AFG2A: variants seen among roughly 807,000 people sequenced by gnomAD.
AFG2A encodes ATPase family gene 2 protein homolog A.
At chr4:123,161,751 G>A in the AFG2A span, among the ~76,000 whole-genome samples, 1 of 152,158 alleles carries the variant, frequency 6.6e-6, no homozygotes, top group Non-Finnish European at 1.5e-5. Context: ...AGAAGAAACA[G>A]AAACTGTAGG....
At chr4:123,024,475 C>T in the AFG2A span, among the ~76,000 whole-genome samples, 2 of 152,170 alleles carry the variant, frequency 1.3e-5, no homozygotes, top group Non-Finnish European at 2.9e-5. Context: ...GTGGTGTAAG[C>T]GTTTGCTCAA....
chr4:123,053,307 A>G, the AFG2A span, among the ~76,000 whole-genome samples: 1 of 152,234 alleles, frequency 6.6e-6, no homozygotes, highest in Admixed American at 6.5e-5. Flanking sequence ...GACCTGGGGT[A>G]GACCCAAGGC....
the AFG2A span, among the ~76,000 whole-genome samples, chr4:122,960,803 A>G: frequency 6.6e-6 from 1 of 152,140 alleles, no homozygotes; most frequent in South Asian, 2.1e-4. Flanking sequence ...CTCCACCCCC[A>G]ACTAGCTTAC....
At chr4:123,102,130 C>G in the AFG2A span, 1 of 151,714 alleles carries the variant, frequency 6.6e-6, no homozygotes, top group Non-Finnish European at 1.5e-5. Context: ...ATGTTACTTA[C>G]CAAACAAGTT....
At chr4:123,007,577 TGTGTGTGTGTGTGTG>T in the AFG2A span, among the ~76,000 whole-genome samples, 8 of 10,580 alleles carry the variant, frequency 7.6e-4, no homozygotes, top group Middle Eastern at 0.056. Context: ...TATGTGTGTG[TGTGTGTGTGTGTGTG>T]TGTGTGTGTG....
At chr4:123,234,236 T>C in the AFG2A span, among the ~76,000 whole-genome samples, 1 of 152,146 alleles carries the variant, frequency 6.6e-6, no homozygotes, top group African/African-American at 2.4e-5. Flanking sequence ...TATACTTTGG[T>C]TATACAATCT....
chr4:123,219,877 T>C, the AFG2A span, among the ~76,000 whole-genome samples: 5 of 152,120 alleles, frequency 3.3e-5, no homozygotes, highest in Non-Finnish European at 5.9e-5. Context: ...AAAAAAATTT[T>C]TTTTTTTTTG....
chr4:123,290,002 C>T, the AFG2A span, among the ~76,000 whole-genome samples: 6 of 152,040 alleles, frequency 3.9e-5, no homozygotes, highest in Non-Finnish European at 7.4e-5. Context: ...TATCCTGATG[C>T]TCTCTCTCCC....
chr4:123,275,261 C>T, the AFG2A span, among the ~76,000 whole-genome samples: 1 of 152,162 alleles, frequency 6.6e-6, no homozygotes, highest in East Asian at 1.9e-4. Context: ...TGATGAGACC[C>T]CTGTAGGTGG....
the AFG2A span, among the ~76,000 whole-genome samples, chr4:123,178,592 T>C: frequency 3.3e-5 from 5 of 152,192 alleles, no homozygotes; most frequent in Non-Finnish European, 5.9e-5. Flanking sequence ...TCTTTCAGAC[T>C]TGCAGGTTTG....
At chr4:123,077,570 C>T in the AFG2A span, among the ~76,000 whole-genome samples, 2 of 152,178 alleles carry the variant, frequency 1.3e-5, no homozygotes, top group Non-Finnish European at 2.9e-5. Flanking sequence ...TGTATCAGTT[C>T]CTCCTTTACA....
chr4:122,956,024 C>T, the AFG2A span, among the ~76,000 whole-genome samples: 799 of 152,254 alleles, frequency 5.2e-3, 7 homozygotes, highest in African/African-American at 0.018. Context: ...GTAGGACTTG[C>T]CATGTTCAGC....
chr4:122,948,387 TACACACACACACACACACACAC>T, the AFG2A span, among the ~76,000 whole-genome samples: 45 of 129,550 alleles, frequency 3.5e-4, no homozygotes, highest in South Asian at 1.1e-3. Context: ...CTCCAGAGTA[TACACACACACACACACACACAC>T]ACACACACAC....
the AFG2A span, among the ~76,000 whole-genome samples, chr4:123,227,302 C>T: frequency 1.3e-5 from 2 of 152,080 alleles, no homozygotes; most frequent in Non-Finnish European, 2.9e-5. Context: ...ATTGTGATGT[C>T]AGGGTATCAA....
the AFG2A span, among the ~76,000 whole-genome samples, chr4:123,055,486 C>G: frequency 6.6e-6 from 1 of 152,110 alleles, no homozygotes; most frequent in Non-Finnish European, 1.5e-5. Flanking sequence ...CCAAATACTG[C>G]CCATACCAGT....
chr4:123,095,915 G>C, the AFG2A span, among the ~76,000 whole-genome samples: 1 of 152,086 alleles, frequency 6.6e-6, no homozygotes, highest in Non-Finnish European at 1.5e-5. Context: ...GAGTGAAATT[G>C]ATATCATTAT....
the AFG2A span, among the ~76,000 whole-genome samples, chr4:123,013,676 T>C: frequency 6.6e-6 from 1 of 152,174 alleles, no homozygotes; most frequent in Non-Finnish European, 1.5e-5. Flanking sequence ...GATGGGTTGG[T>C]AGGTGCAGCA....
chr4:123,206,761 A>G, the AFG2A span, among the ~76,000 whole-genome samples: 1 of 152,108 alleles, frequency 6.6e-6, no homozygotes, highest in African/African-American at 2.4e-5. Context: ...CAATTTATAA[A>G]TTCTTTTTTT....
chr4:123,010,125 C>T, the AFG2A span, among the ~76,000 whole-genome samples: 1,734 of 152,218 alleles, frequency 0.011, 45 homozygotes, highest in African/African-American at 0.039. Flanking sequence ...TCCAGTCTGG[C>T]CCTTCAGCAT....
Sources: gnomAD v4.1 joint callset for allele counts (sites outside exome capture counted in the v4.1 genomes callset) on GRCh38, gnomAD v4.1.1 for gene constraint, MANE v1.5 for transcripts, NCBI Gene and HGNC (gene_info 2026-07-23, HGNC 2026-07-21) for gene names.